The following EEFSEC variants were observed in gnomAD, a reference collection of about 807,000 sequenced individuals.
EEFSEC encodes the protein selenocysteine-specific elongation factor.
In EEFSEC, 43 loss-of-function variants were observed where a neutral mutation model predicts 42.1. The ratio of observed to expected loss-of-function variants is 1.02; its 90% CI spans 0.80 to 1.32. The LOEUF (loss-of-function observed/expected upper bound fraction) is 1.32. Ranked by LOEUF, EEFSEC falls within the 40% of genes most tolerant of loss-of-function variation. The pLI, the probability that EEFSEC is intolerant of heterozygous loss-of-function variation, is 0.00. For missense variants in EEFSEC, 745 were observed against 803.6 expected, an observed-to-expected ratio of 0.93 and a Z score of 0.88; for synonymous variants, 354 against 339.1, an observed-to-expected ratio of 1.04 and a Z score of -0.48.
At chr3:128,347,088 C>T (rs1042192905) in intron 5 of EEFSEC, among the ~76,000 whole-genome samples, 2 of 152,228 alleles carry the variant, frequency 1.3e-5, no homozygotes, top group South Asian at 2.1e-4. Flanking sequence ...TAAACCCTCT[C>T]AGCAGTCCTT....
chr3:128,425,715 C>T, the EEFSEC span, among the ~76,000 whole-genome samples: 2 of 152,346 alleles, frequency 1.3e-5, no homozygotes, highest in Admixed American at 6.5e-5. Flanking sequence ...CTCCTGGGCC[C>T]TCCTGGGCCC....
At chr3:128,281,023 C>G (rs147232525) in intron 4 of EEFSEC, among the ~76,000 whole-genome samples, 142 of 152,320 alleles carry the variant, frequency 9.3e-4, no homozygotes, top group Non-Finnish European at 1.6e-3. Flanking sequence ...CTGACTCTTT[C>G]ATTACCCCCT....
At chr3:128,369,597 G>C (rs979329757) in intron 6 of EEFSEC, among the ~76,000 whole-genome samples, 4 of 152,168 alleles carry the variant, frequency 2.6e-5, no homozygotes, top group African/African-American at 4.8e-5. Context: ...TGGGTAGCAG[G>C]GTACCTTCAA....
In EEFSEC at chr3:128,341,414, C is replaced by G. The variant is rs749490556; in HGVS notation, c.968C>G (p.Pro323Arg). The G allele has an allele frequency of 6.2e-7, 1 of 1,614,158 alleles. No homozygotes were observed. Among genetic ancestry groups the G allele is most frequent in the South Asian group, 1.1e-5 (1 of 91,078 alleles). Residue 323 changes from proline to arginine, a missense_variant, in exon 5 of 7, where the codon CCG (proline) becomes CGG (arginine). Transcript: ENST00000254730. ...GCCCTCATCTCTGTGGAAAAGATACCGTATTTCCGGGGGCCCCTGCAAACC... is the reference window on the plus strand; with the variant it reads ...GCCCTCATCTCTGTGGAAAAGATACGGTATTTCCGGGGGCCCCTGCAAACC... ...HAALISVEKIPYFRGPLQTKA... is the reference protein window; with the variant it reads ...HAALISVEKIRYFRGPLQTKA...
At chr3:128,178,897 G>C (rs115414807) in intron 1 of EEFSEC, among the ~76,000 whole-genome samples, 492 of 152,258 alleles carry the variant, frequency 3.2e-3, no homozygotes, top group African/African-American at 0.011. Context: ...TGGATGTTTG[G>C]TTTGAAAAGA....
intron 2 of EEFSEC, among the ~76,000 whole-genome samples, chr3:128,252,999 A>C (rs970930318): frequency 6.6e-5 from 10 of 152,144 alleles, no homozygotes; most frequent in African/African-American, 2.4e-4. Context: ...TCTACTCCCC[A>C]GGGCTCCATG....
At chr3:128,271,000 T>C (rs955099745) in intron 4 of EEFSEC, among the ~76,000 whole-genome samples, 3 of 152,166 alleles carry the variant, frequency 2.0e-5, no homozygotes, top group African/African-American at 4.8e-5. Flanking sequence ...CAGAAAATAT[T>C]TGGTGAAAGG....
At chr3:128,189,828 A>G (rs1040788816) in intron 1 of EEFSEC, among the ~76,000 whole-genome samples, 1 of 152,006 alleles carries the variant, frequency 6.6e-6, no homozygotes, top group African/African-American at 2.4e-5. Flanking sequence ...GCAAAGTGCT[A>G]GGATGAGCCA....
Position 128,341,272 on chromosome 3 carries a change from C to T in EEFSEC, c.826C>T (p.Pro276Ser), listed in dbSNP as rs1295810540. Reference sequence around the variant, plus strand: ...GAAGTCCATGCAGATGTTCCACATGCCCATCACTTCAGCCATGCAAGGAGA... The same window carrying T: ...GAAGTCCATGCAGATGTTCCACATGTCCATCACTTCAGCCATGCAAGGAGA... ...KVKSMQMFHMPITSAMQGDRL... is the reference protein window; with the variant it reads ...KVKSMQMFHMSITSAMQGDRL... The change falls in exon 5 of 7, where the codon CCC (proline) becomes TCC (serine). Residue 276 changes from proline to serine, a missense_variant. Transcript: ENST00000254730. The T allele has an allele frequency of 3.1e-6, 5 of 1,613,376 alleles. No homozygotes were observed. Among genetic ancestry groups the T allele is most frequent in the Admixed American group, 1.7e-5 (1 of 59,978 alleles).
At chr3:128,415,642 G>A in the EEFSEC span, among the ~76,000 whole-genome samples, 9 of 152,300 alleles carry the variant, frequency 5.9e-5, no homozygotes, top group South Asian at 2.1e-4. Flanking sequence ...CCTCGCCGCC[G>A]GGGCCCATGC....
chr3:128,242,889 C>T (rs2066086688), intron 1 of EEFSEC, among the ~76,000 whole-genome samples: 1 of 152,164 alleles, frequency 6.6e-6, no homozygotes, highest in Non-Finnish European at 1.5e-5. Context: ...CACTCACTCG[C>T]TATGTCCCTC....
At chr3:128,195,631 A>G (rs1206620168) in intron 1 of EEFSEC, among the ~76,000 whole-genome samples, 1 of 152,160 alleles carries the variant, frequency 6.6e-6, no homozygotes, top group African/African-American at 2.4e-5. Flanking sequence ...TCCATAATGG[A>G]GATGAAGGCG....
At chr3:128,355,644 T>G (rs940834315) in intron 5 of EEFSEC, among the ~76,000 whole-genome samples, 2 of 145,436 alleles carry the variant, frequency 1.4e-5, no homozygotes, top group African/African-American at 2.6e-5. Flanking sequence ...CAGGCATGAG[T>G]GAGCCTTGCA....
chr3:128,166,266 G>GA (rs1471006884), intron 1 of EEFSEC, among the ~76,000 whole-genome samples: 2 of 152,044 alleles, frequency 1.3e-5, no homozygotes, highest in African/African-American at 4.8e-5. Context: ...ACTTTGGCTG[G>GA]AAAAAACAGT....
chr3:128,366,797 A>G (rs2067595681), intron 6 of EEFSEC, among the ~76,000 whole-genome samples: 1 of 152,160 alleles, frequency 6.6e-6, no homozygotes, highest in Non-Finnish European at 1.5e-5. Flanking sequence ...GTTATGTGTC[A>G]TCCTTGTGTT....
intron 1 of EEFSEC, among the ~76,000 whole-genome samples, chr3:128,222,206 G>A (rs1385849474): frequency 2.6e-5 from 4 of 151,926 alleles, no homozygotes; most frequent in Non-Finnish European, 5.9e-5. Context: ...GCTAATTTTT[G>A]TATATTAGTA....
intron 5 of EEFSEC, among the ~76,000 whole-genome samples, chr3:128,352,567 T>A (rs2067401378): frequency 6.6e-6 from 1 of 152,198 alleles, no homozygotes; most frequent in Admixed American, 6.5e-5. Flanking sequence ...CGGCAGTCTC[T>A]TAGAGGGGGC....
At chr3:128,333,050 C>G (rs1160052532) in intron 4 of EEFSEC, among the ~76,000 whole-genome samples, 1 of 152,132 alleles carries the variant, frequency 6.6e-6, no homozygotes, top group African/African-American at 2.4e-5. Context: ...AGTGTCAAAC[C>G]TTGTGTGTTT....
chr3:128,299,496 A>G (rs1267085106), intron 4 of EEFSEC, among the ~76,000 whole-genome samples: 1 of 152,178 alleles, frequency 6.6e-6, no homozygotes, highest in Non-Finnish European at 1.5e-5. Flanking sequence ...CCCTTGTCAG[A>G]TGGATAGCCT....
Sources: allele counts gnomAD v4.1 joint callset (sites outside exome capture counted in the v4.1 genomes callset), GRCh38; gene constraint gnomAD v4.1.1; transcripts MANE v1.5; gene names NCBI Gene and HGNC (gene_info 2026-07-23, HGNC 2026-07-21).